SLC41A2: variants seen among roughly 807,000 people sequenced by gnomAD.
SLC41A2 encodes the protein SLC41A1-like 1.
A neutral mutation model predicts 58.3 loss-of-function variants in SLC41A2; 32 were observed. The ratio of observed to expected loss-of-function variants is 0.55; its 90% CI spans 0.41 to 0.74. The LOEUF is 0.74. SLC41A2 is among the 30% of genes least tolerant of loss of function. SLC41A2 has a pLI of 0.00. For missense variants in SLC41A2, 514 were observed against 680.6 expected (o/e 0.76, Z 2.72); for synonymous variants, 190 against 235.0 (o/e 0.81, Z 1.75).
At chr12:104,826,538 C>T (rs2041852955) in intron 10 of SLC41A2, among the ~76,000 whole-genome samples, 1 of 152,138 alleles carries the variant, frequency 6.6e-6, no homozygotes, top group Admixed American at 6.5e-5. Flanking sequence ...ACCCTCAAGC[C>T]CTGCTCCTCT....
intron 9 of SLC41A2, among the ~76,000 whole-genome samples, chr12:104,845,193 G>T (rs1241463003): frequency 1.3e-5 from 2 of 152,114 alleles, no homozygotes; most frequent in Admixed American, 6.5e-5. Context: ...TCAGAAGGCT[G>T]ATGTGGGAGG....
intron 10 of SLC41A2, among the ~76,000 whole-genome samples, chr12:104,811,419 A>G (rs1008433820): frequency 6.6e-6 from 1 of 152,216 alleles, no homozygotes; most frequent in African/African-American, 2.4e-5. Context: ...AATAAAGTGT[A>G]TAAGTATAAA....
intron 1 of SLC41A2, among the ~76,000 whole-genome samples, chr12:104,955,705 G>A (rs148341169): frequency 1.3e-5 from 2 of 150,970 alleles, no homozygotes; most frequent in African/African-American, 4.9e-5. Context: ...TATTAGATCA[G>A]TGGAAAATTG....
chr12:104,893,089 T>G (rs564857918), intron 4 of SLC41A2, among the ~76,000 whole-genome samples: 48 of 152,216 alleles, frequency 3.2e-4, no homozygotes, highest in African/African-American at 1.1e-3. Flanking sequence ...AGAAAATATT[T>G]GCAAACTACC....
chr12:104,834,054 T>G (rs2042128709), intron 10 of SLC41A2: 1 of 985,258 alleles, frequency 1.0e-6, no homozygotes, highest in African/African-American at 1.7e-5. Flanking sequence ...TTATCAGGCT[T>G]TACAAGACCG....
chr12:104,904,381 C>A (rs2135748256), intron 3 of SLC41A2, among the ~76,000 whole-genome samples: 1 of 152,318 alleles, frequency 6.6e-6, no homozygotes, highest in East Asian at 1.9e-4. Flanking sequence ...TTTCTCAAGG[C>A]CTCTTCATTC....
At chr12:104,883,465 T>C (rs1231598376) in intron 6 of SLC41A2, among the ~76,000 whole-genome samples, 2 of 152,224 alleles carry the variant, frequency 1.3e-5, no homozygotes, top group Non-Finnish European at 2.9e-5. Flanking sequence ...TTATCTACCT[T>C]TGGTCTTTGA....
Position 104,871,828 on chromosome 12 carries a change from A to G in SLC41A2, c.1028-5249T>C, listed in dbSNP as rs190746970. ...TAGGGTGCTACAAAGAAATAAAATA[A>G]GAACGCAGTTTTGTCCTTAAGAAGC... On this transcript the variant is annotated intron_variant, in intron 6 of 10. Coordinates refer to ENST00000258538, the MANE Select transcript of SLC41A2 (RefSeq NM_001352171.3). Among the ~76,000 whole-genome samples the G allele has an allele frequency of 1.6e-3, 240 of 152,362 alleles. No homozygotes were observed. In the Middle Eastern group the frequency reaches 0.017, roughly 11 times the overall value.
intron 1 of SLC41A2, among the ~76,000 whole-genome samples, chr12:104,932,624 CAAA>C (rs544329617): frequency 0.015 from 676 of 46,046 alleles, 6 homozygotes; most frequent in African/African-American, 0.055. Context: ...GACTTTGTCT[CAAA>C]AAAAAAAAAA....
chr12:104,897,566 T>G (rs1160135859), intron 3 of SLC41A2, among the ~76,000 whole-genome samples: 2 of 152,166 alleles, frequency 1.3e-5, no homozygotes, highest in Admixed American at 6.5e-5. Flanking sequence ...TCTAGAAGTC[T>G]CTGAATCTTT....
At position 104,830,285 on chromosome 12, in the gene SLC41A2, G is replaced by A. The variant is rs542635735; in HGVS notation, c.1536+14187C>T. Among the ~76,000 whole-genome samples the A allele has an allele frequency of 3.9e-5, 6 of 152,176 alleles. No individual in the cohort carries two copies. The East Asian group carries it at 5.8e-4, about 15-fold the overall frequency. ...AAAATCCATGGATATAAAAATCTGC[G>A]GATACTGAAGTCCCTTATATAAAAT... On this transcript the variant is annotated intron_variant, in intron 10 of 10. Transcript: ENST00000258538.
At chr12:104,951,570 T>G (rs1416288546) in intron 1 of SLC41A2, 2 of 152,130 alleles carry the variant, frequency 1.3e-5, no homozygotes, top group African/African-American at 4.8e-5. Flanking sequence ...TGGTTGGGTT[T>G]CACAATTTAA....
chr12:104,808,384 T>C (rs1291187754), intron 10 of SLC41A2, among the ~76,000 whole-genome samples: 1 of 152,236 alleles, frequency 6.6e-6, no homozygotes, highest in African/African-American at 2.4e-5. Context: ...GATTTGTGTA[T>C]GTTGAACCAG....
intron 10 of SLC41A2, among the ~76,000 whole-genome samples, chr12:104,806,479 G>A (rs1033810531): frequency 6.6e-6 from 1 of 152,114 alleles, no homozygotes; most frequent in East Asian, 1.9e-4. Context: ...GGACATTTGG[G>A]TTGGTTCCAA....
At chr12:104,925,712 A>AAGT (rs2135871320) in intron 2 of SLC41A2, among the ~76,000 whole-genome samples, 1 of 152,342 alleles carries the variant, frequency 6.6e-6, no homozygotes, top group African/African-American at 2.4e-5. Flanking sequence ...CAGTATCAGG[A>AAGT]AGTAAGTCAA....
At chr12:104,841,730 G>A (rs1349261524) in intron 10 of SLC41A2, among the ~76,000 whole-genome samples, 2 of 152,086 alleles carry the variant, frequency 1.3e-5, no homozygotes, top group Non-Finnish European at 2.9e-5. Flanking sequence ...AGTGCAATAT[G>A]AAGGTTCCTT....
chr12:104,881,512 T>C (rs1376435739), intron 6 of SLC41A2, among the ~76,000 whole-genome samples: 1 of 152,240 alleles, frequency 6.6e-6, no homozygotes, highest in Non-Finnish European at 1.5e-5. Context: ...TTCTGGTATG[T>C]TATGTCTTTG....
intron 2 of SLC41A2, among the ~76,000 whole-genome samples, chr12:104,920,558 GAAGAAAAA>G (rs2046545398): frequency 6.6e-6 from 1 of 151,644 alleles, no homozygotes; most frequent in African/African-American, 2.4e-5. Context: ...AATACACAGA[GAAGAAAAA>G]AAGAAAAAGA....
chr12:104,843,162 T>G (rs1022293840), intron 10 of SLC41A2, among the ~76,000 whole-genome samples: 1 of 152,052 alleles, frequency 6.6e-6, no homozygotes, highest in Non-Finnish European at 1.5e-5. Flanking sequence ...GCACTTCATA[T>G]ATAGCTAAAC....
Sources: allele counts gnomAD v4.1 joint callset (sites outside exome capture counted in the v4.1 genomes callset), GRCh38; gene constraint gnomAD v4.1.1; transcripts MANE v1.5; gene names NCBI Gene and HGNC (gene_info 2026-07-23, HGNC 2026-07-21).